IFTAP: variants seen among roughly 807,000 people sequenced by gnomAD.
The protein encoded by IFTAP is intraflagellar transport-associated protein.
A neutral mutation model predicts 19.4 loss-of-function variants in IFTAP; 19 were observed. The ratio of observed to expected loss-of-function variants is 0.98; its 90% CI spans 0.68 to 1.44. The LOEUF is 1.44. Among genes scored for constraint, IFTAP ranks in the 40% most tolerant of loss-of-function variants. IFTAP has a pLI of 0.00. For missense variants in IFTAP, 240 were observed against 253.6 expected (o/e 0.95, Z 0.36); for synonymous variants, 85 against 83.5 (o/e 1.02, Z -0.10).
chr11:36,599,762 T>A (rs1851434262), intron 1 of IFTAP, among the ~76,000 whole-genome samples: 1 of 152,242 alleles, frequency 6.6e-6, no homozygotes, highest in African/African-American at 2.4e-5. Context: ...ATGATTTTTT[T>A]AATCTGCAAA....
chr11:36,657,155 C>T (rs1280988500), intron 5 of IFTAP, among the ~76,000 whole-genome samples: 1 of 152,146 alleles, frequency 6.6e-6, no homozygotes, highest in Non-Finnish European at 1.5e-5. Flanking sequence ...GGTTCTCCTC[C>T]TTATGTTTTG....
chr11:36,609,951 G>A, intron 1 of IFTAP, 130 bp from the exon 2 acceptor site: 1 of 722,484 alleles, frequency 1.4e-6, no homozygotes, highest in Non-Finnish European at 2.3e-6. Flanking sequence ...TGAACTAGAG[G>A]TCACTGCTCT....
At chr11:36,636,261 C>A in intron 4 of IFTAP, 144 bp downstream of exon 4, 1 of 637,046 alleles carries the variant, frequency 1.6e-6, no homozygotes, top group Non-Finnish European at 2.7e-6. Context: ...CTATTTTTTT[C>A]AGTAACAAAA....
chr11:36,612,016 T>C (rs1200295474), intron 2 of IFTAP, among the ~76,000 whole-genome samples: 1 of 152,106 alleles, frequency 6.6e-6, no homozygotes, highest in Non-Finnish European at 1.5e-5. Context: ...TTGGAAATCA[T>C]CTGTAAGGCT....
intron 1 of IFTAP, chr11:36,597,756 G>GTGAA (rs1285902112): frequency 9.9e-5 from 15 of 152,264 alleles, no homozygotes; most frequent in African/African-American, 3.6e-4. Flanking sequence ...CATTTAATGT[G>GTGAA]TGAATAACAG....
At chr11:36,647,660 A>G (rs73439916) in intron 4 of IFTAP, among the ~76,000 whole-genome samples, 14,591 of 152,144 alleles carry the variant, frequency 0.096, 847 homozygotes, top group African/African-American at 0.15. Flanking sequence ...CTCCAGGAAA[A>G]TATGGGAAAA....
chr11:36,644,557 C>T (rs1007302670), intron 4 of IFTAP, among the ~76,000 whole-genome samples: 10 of 152,048 alleles, frequency 6.6e-5, no homozygotes, highest in African/African-American at 2.2e-4. Context: ...CACGTATGTT[C>T]ATTGTGGCAC....
intron 1 of IFTAP, among the ~76,000 whole-genome samples, chr11:36,600,571 C>T (rs1209328151): frequency 6.6e-6 from 1 of 152,192 alleles, no homozygotes; most frequent in Admixed American, 6.5e-5. Flanking sequence ...AAATTGTCCT[C>T]CACGAAACTA....
intron 5 of IFTAP, among the ~76,000 whole-genome samples, chr11:36,649,715 A>T (rs922019940): frequency 6.6e-6 from 1 of 152,168 alleles, no homozygotes; most frequent in African/African-American, 2.4e-5. Context: ...TAAATTTCCT[A>T]CCAGACATGT....
intron 5 of IFTAP, among the ~76,000 whole-genome samples, chr11:36,652,794 G>T (rs1010492037): frequency 2.6e-5 from 4 of 152,098 alleles, no homozygotes; most frequent in Admixed American, 2.6e-4. Flanking sequence ...GGCCTTTTCT[G>T]CATCTATTGA....
chr11:36,614,000 G>A (rs559442603), intron 2 of IFTAP, among the ~76,000 whole-genome samples: 12 of 151,302 alleles, frequency 7.9e-5, no homozygotes, highest in Admixed American at 6.6e-4. Context: ...CATGTGCCAT[G>A]CTGGTGCACT....
chr11:36,613,912 G>A (rs968407649), intron 2 of IFTAP, among the ~76,000 whole-genome samples: 1 of 144,928 alleles, frequency 6.9e-6, no homozygotes, highest in East Asian at 2.1e-4. Flanking sequence ...TTGTTGTTGA[G>A]TTTTCTTTTT....
chr11:36,644,626 T>G (rs1442154236), intron 4 of IFTAP, among the ~76,000 whole-genome samples: 1 of 151,840 alleles, frequency 6.6e-6, no homozygotes, highest in African/African-American at 2.4e-5. Flanking sequence ...TAGACTGGAT[T>G]AAGAAAATGT....
At chr11:36,643,976 A>G (rs929840586) in intron 4 of IFTAP, among the ~76,000 whole-genome samples, 7 of 152,258 alleles carry the variant, frequency 4.6e-5, no homozygotes, top group African/African-American at 1.7e-4. Flanking sequence ...AACAATGGCA[A>G]CAAAAGCCAA....
intron 4 of IFTAP, among the ~76,000 whole-genome samples, chr11:36,644,150 A>G (rs1853361379): frequency 6.6e-6 from 1 of 152,238 alleles, no homozygotes; most frequent in African/African-American, 2.4e-5. Flanking sequence ...ACAAGTTTAC[A>G]AGAAAAAAAC....
intron 2 of IFTAP, among the ~76,000 whole-genome samples, chr11:36,615,750 T>A (rs552747846): frequency 6.8e-6 from 1 of 146,120 alleles, no homozygotes; most frequent in South Asian, 2.3e-4. Context: ...TGCTTGTGAT[T>A]TTTGTACATT....
intron 5 of IFTAP, among the ~76,000 whole-genome samples, chr11:36,653,575 T>C (rs1853836731): frequency 6.6e-6 from 1 of 152,142 alleles, no homozygotes; most frequent in Non-Finnish European, 1.5e-5. Context: ...AAGAAGAGAA[T>C]TTCCAAAGTA....
chr11:36,622,712 G>T (rs115390740), intron 2 of IFTAP, among the ~76,000 whole-genome samples: 2 of 152,232 alleles, frequency 1.3e-5, no homozygotes, highest in South Asian at 4.1e-4. Flanking sequence ...TTACTCATGT[G>T]TAAAGTTTTA....
intron 2 of IFTAP, among the ~76,000 whole-genome samples, chr11:36,623,983 ATATATATGTGTG>A (rs1485457575): frequency 1.1e-4 from 16 of 150,250 alleles, no homozygotes; most frequent in Non-Finnish European, 1.9e-4. Context: ...ATATGTGTGT[ATATATATGTGTG>A]TATATATATA....
Sources: gnomAD v4.1 joint callset for allele counts (sites outside exome capture counted in the v4.1 genomes callset) on GRCh38, gnomAD v4.1.1 for gene constraint, MANE v1.5 for transcripts, NCBI Gene and HGNC (gene_info 2026-07-23, HGNC 2026-07-21) for gene names.